Variants in SETD3 observed in about 807,000 individuals in gnomAD.
SETD3 encodes SET domain containing 3, actin N3(tau)-histidine methyltransferase, also known as actin-histidine N-methyltransferase.
In SETD3, 19 loss-of-function variants were observed where a neutral mutation model predicts 63.0. The ratio of observed to expected loss-of-function variants is 0.30; its 90% CI spans 0.21 to 0.44. The LOEUF is 0.44. Among genes scored for constraint, SETD3 ranks in the 20% least tolerant of loss-of-function variants. The probability of loss-of-function intolerance (pLI) is 1.00; values close to 1 mark genes in which losing one functional copy is unlikely to be tolerated. For missense variants in SETD3, 587 were observed against 728.5 expected (o/e 0.81, Z 2.24); for synonymous variants, 286 against 264.1 (o/e 1.08, Z -0.80).
intron 6 of SETD3, among the ~76,000 whole-genome samples, chr14:99,420,911 G>A (rs956228163): frequency 1.8e-5 from 2 of 108,200 alleles, no homozygotes; most frequent in Non-Finnish European, 3.4e-5. Flanking sequence ...AACCACTTGT[G>A]CTGCCATTTC....
chr14:99,460,836 C>T (rs549732220), intron 4 of SETD3, among the ~76,000 whole-genome samples: 214 of 152,346 alleles, frequency 1.4e-3, no homozygotes, highest in African/African-American at 4.9e-3. Flanking sequence ...ACCCACACCG[C>T]CAGTCCTCCA....
At chr14:99,459,304 A>G in intron 4 of SETD3, 119 bp from the exon 5 acceptor site, 2 of 566,204 alleles carry the variant, frequency 3.5e-6, no homozygotes. Flanking sequence ...GCATATCAGC[A>G]CTTCAAATAA....
At chr14:99,451,657 C>A (rs1253682431) in intron 6 of SETD3, among the ~76,000 whole-genome samples, 2 of 152,046 alleles carry the variant, frequency 1.3e-5, no homozygotes, top group Non-Finnish European at 2.9e-5. Flanking sequence ...CAGGCGTGTG[C>A]CACCATGCCT....
chr14:99,421,235 C>A lies in SETD3; in HGVS notation c.676-7301G>T, dbSNP rs139798015. 2.9e-4 allele frequency among the ~76,000 whole-genome samples: 44 copies of A among 151,990 alleles called. No homozygotes were observed. In the East Asian group the frequency reaches 8.1e-3, roughly 28 times the overall value. On this transcript the variant is annotated intron_variant, in intron 6 of 12. Transcript: ENST00000331768. ...TTAAAGAAACTAGAAATAAACAGAACGGTAAAAAGTTATTATTTTATAAGC... is the reference window on the plus strand; with the variant it reads ...TTAAAGAAACTAGAAATAAACAGAAAGGTAAAAAGTTATTATTTTATAAGC...
At chr14:99,440,123 TA>T (rs1893717291) in intron 6 of SETD3, among the ~76,000 whole-genome samples, 2 of 152,192 alleles carry the variant, frequency 1.3e-5, no homozygotes, top group Non-Finnish European at 2.9e-5. Flanking sequence ...ATATTTTCAA[TA>T]AGTAGTAATT....
intron 6 of SETD3, among the ~76,000 whole-genome samples, chr14:99,430,677 G>A (rs1204685080): frequency 6.6e-6 from 1 of 152,210 alleles, no homozygotes; most frequent in Non-Finnish European, 1.5e-5. Context: ...TGGCGCCACT[G>A]AGGAAATGAG....
intron 2 of SETD3, 29 bp from the exon 3 acceptor site, chr14:99,463,607 C>T: frequency 3.2e-6 from 5 of 1,557,186 alleles, no homozygotes; most frequent in Non-Finnish European, 4.4e-6. Context: ...GGTACTGAAA[C>T]ACTTCTCTCT....
At position 99,463,588 on chromosome 14, in the gene SETD3, A is replaced by T; in HGVS notation, c.104-10T>A. On this transcript the variant is annotated splice_polypyrimidine_tract_variant and intron_variant, in intron 2 of 12. Coordinates refer to ENST00000331768, the MANE Select transcript of SETD3 (RefSeq NM_032233.3). Reference sequence around the variant, plus strand: ...GCCGGACTGCTGCATTCTGTAACATAAGAGGCATGGTACTGAAACACTTCT... The same window carrying T: ...GCCGGACTGCTGCATTCTGTAACATTAGAGGCATGGTACTGAAACACTTCT... 1 of 1,606,026 alleles carries T rather than the reference A, an allele frequency of 6.2e-7. No individual in the cohort carries two copies.
intron 6 of SETD3, among the ~76,000 whole-genome samples, chr14:99,439,759 T>C (rs1893696369): frequency 6.7e-6 from 1 of 149,968 alleles, no homozygotes; most frequent in Admixed American, 6.7e-5. Flanking sequence ...TATGTATTTA[T>C]ATTTTTATAC....
intron 6 of SETD3, among the ~76,000 whole-genome samples, chr14:99,415,890 C>T (rs1051460619): frequency 6.6e-6 from 1 of 152,178 alleles, no homozygotes; most frequent in Non-Finnish European, 1.5e-5. Flanking sequence ...CTTCTGGCAA[C>T]TTGGGAGAGT....
At chr14:99,425,455 C>T (rs1263585387) in intron 6 of SETD3, among the ~76,000 whole-genome samples, 2 of 152,250 alleles carry the variant, frequency 1.3e-5, no homozygotes, top group Non-Finnish European at 2.9e-5. Flanking sequence ...CAAAGCCCAG[C>T]GCCAGCTCTG....
intron 11 of SETD3, 59 bp from the exon 12 acceptor site, chr14:99,400,318 C>A: frequency 1.3e-6 from 2 of 1,512,518 alleles, no homozygotes; most frequent in Non-Finnish European, 1.8e-6. Context: ...CTCATTTGAA[C>A]AAGCAATCTA....
chr14:99,424,696 G>A lies in SETD3; in HGVS notation c.676-10762C>T, dbSNP rs181002691. 8.5e-5 allele frequency among the ~76,000 whole-genome samples: 13 copies of A among 152,098 alleles called. No homozygotes were observed. In the East Asian group the frequency reaches 1.9e-3, roughly 23 times the overall value. The stretch of plus-strand genomic sequence containing the variant: ...CTTCCTCAGAGGGAGGGGAGGAGAG[G>A]AGGACATAAGAAACCCAGGTGGAGA... On this transcript the variant is annotated intron_variant, in intron 6 of 12. Coordinates refer to ENST00000331768, the MANE Select transcript of SETD3 (RefSeq NM_032233.3).
At chr14:99,407,319 A>G (rs897220204) in intron 8 of SETD3, among the ~76,000 whole-genome samples, 1 of 152,172 alleles carries the variant, frequency 6.6e-6, no homozygotes, top group African/African-American at 2.4e-5. Context: ...GCCTCAGCAC[A>G]CAAGTTACAA....
chr14:99,477,710 T>C (rs928335534), intron 1 of SETD3, among the ~76,000 whole-genome samples: 1 of 140,326 alleles, frequency 7.1e-6, no homozygotes, highest in Admixed American at 7.5e-5. Flanking sequence ...ATCACGACAT[T>C]GCACTCCAGC....
chr14:99,409,579 A>T (rs1382803173), intron 8 of SETD3, among the ~76,000 whole-genome samples: 1 of 152,186 alleles, frequency 6.6e-6, no homozygotes, highest in African/African-American at 2.4e-5. Context: ...TTTCGTTTAC[A>T]TATTAAAAGT....
intron 12 of SETD3, 137 bp from the exon 13 acceptor site, chr14:99,399,262 G>A: frequency 4.7e-6 from 3 of 644,282 alleles, no homozygotes; most frequent in East Asian, 2.7e-5. Context: ...GACTGGGCAG[G>A]TGGTCGCATG....
At chr14:99,458,620 A>C in intron 5 of SETD3, 85 bp from the exon 6 acceptor site, 2 of 1,492,864 alleles carry the variant, frequency 1.3e-6, no homozygotes, top group Non-Finnish European at 1.8e-6. Flanking sequence ...ATTACAGAAA[A>C]ACTAAAAGGT....
chr14:99,410,553 C>A (rs1027162601), intron 8 of SETD3, among the ~76,000 whole-genome samples: 3 of 152,132 alleles, frequency 2.0e-5, no homozygotes, highest in Non-Finnish European at 4.4e-5. Context: ...CTTGTCATAT[C>A]AACCGAAAAA....
Sources: gnomAD v4.1 joint callset for allele counts (sites outside exome capture counted in the v4.1 genomes callset) on GRCh38, gnomAD v4.1.1 for gene constraint, MANE v1.5 for transcripts, NCBI Gene and HGNC (gene_info 2026-07-23, HGNC 2026-07-21) for gene names.